ESRRG: variants seen among roughly 807,000 people sequenced by gnomAD.
ESRRG encodes estrogen related receptor gamma, also known as estrogen-related receptor gamma.
ESRRG carries 13 observed loss-of-function variants against 44.0 expected under a neutral mutation model. The ratio of observed to expected loss-of-function variants is 0.30; its 90% CI spans 0.19 to 0.47. ESRRG has a LOEUF of 0.47. Among genes scored for constraint, ESRRG ranks in the 20% least tolerant of loss-of-function variants. The pLI, the probability that ESRRG is intolerant of heterozygous loss-of-function variation, is 1.00. For synonymous variants in ESRRG, 215 were observed against 214.6 expected (o/e 1.00, Z -0.02); for missense variants, 395 against 580.6 (o/e 0.68, Z 3.29).
chr1:216,838,844 T>C (rs2095607971), intron 2 of ESRRG, among the ~76,000 whole-genome samples: 1 of 152,222 alleles, frequency 6.6e-6, no homozygotes. Flanking sequence ...GGAATGCTAA[T>C]GGTCATCTGA....
At chr1:216,795,875 G>C (rs978944802) in intron 2 of ESRRG, among the ~76,000 whole-genome samples, 1 of 152,110 alleles carries the variant, frequency 6.6e-6, no homozygotes, top group South Asian at 2.1e-4. Flanking sequence ...GCAAAGCAGA[G>C]TGCAGGGTAG....
At chr1:216,953,394 T>C (rs984213657) in intron 1 of ESRRG, among the ~76,000 whole-genome samples, 2 of 152,176 alleles carry the variant, frequency 1.3e-5, no homozygotes, top group African/African-American at 2.4e-5. Context: ...AAGCCTTTCT[T>C]AGTAATGCAA....
At chr1:217,091,078 G>A (rs2092336338), upstream of ESRRG, among the ~76,000 whole-genome samples, 1 of 152,114 alleles carries the variant, frequency 6.6e-6, no homozygotes, top group African/African-American at 2.4e-5. Flanking sequence ...CCAACATGTG[G>A]CATATTCCTG....
intron 5 of ESRRG, among the ~76,000 whole-genome samples, chr1:216,536,925 C>T (rs2051147580): frequency 6.6e-6 from 1 of 151,756 alleles, no homozygotes; most frequent in South Asian, 2.1e-4. Context: ...GGAAAATGGG[C>T]CCTGGGATGG....
intron 2 of ESRRG, among the ~76,000 whole-genome samples, chr1:216,870,397 G>A (rs1445550798): frequency 1.3e-5 from 2 of 151,404 alleles, no homozygotes; most frequent in Non-Finnish European, 2.9e-5. Flanking sequence ...GTATTTTATT[G>A]AGAATGCTTG....
At chr1:216,557,190 A>G (rs2057763619) in intron 5 of ESRRG, among the ~76,000 whole-genome samples, 2 of 152,168 alleles carry the variant, frequency 1.3e-5, no homozygotes, top group Admixed American at 1.3e-4. Context: ...TTGTCCAAAC[A>G]TCTTGATTTT....
At chr1:217,042,567 G>A (rs1008292376) in intron 1 of ESRRG, among the ~76,000 whole-genome samples, 2 of 150,950 alleles carry the variant, frequency 1.3e-5, no homozygotes, top group African/African-American at 4.9e-5. Flanking sequence ...GAGGAATTCC[G>A]CTACCTGTCC....
chr1:216,862,693 T>C (rs2096073221), intron 2 of ESRRG: 1 of 152,288 alleles, frequency 6.6e-6, no homozygotes, highest in African/African-American at 2.4e-5. Flanking sequence ...TGCAGACTTA[T>C]CCATAGAGGC....
intron 2 of ESRRG, among the ~76,000 whole-genome samples, chr1:216,773,024 A>C (rs1301019535): frequency 1.3e-5 from 2 of 152,112 alleles, no homozygotes; most frequent in Non-Finnish European, 2.9e-5. Flanking sequence ...TTTAACGCTC[A>C]ACATGGCTTC....
At chr1:216,864,238 A>G (rs1397525322) in intron 2 of ESRRG, 1 of 151,638 alleles carries the variant, frequency 6.6e-6, no homozygotes, top group Admixed American at 6.6e-5. Context: ...AAGTTTCCCA[A>G]TTCCTACTCA....
chr1:216,891,206 T>TA (rs2057746310), intron 2 of ESRRG, among the ~76,000 whole-genome samples: 1 of 152,238 alleles, frequency 6.6e-6, no homozygotes, highest in African/African-American at 2.4e-5. Flanking sequence ...GCAAATTTTA[T>TA]AAAATGCTCC....
chr1:216,757,463 C>T (rs1249650690), intron 2 of ESRRG, among the ~76,000 whole-genome samples: 1 of 151,966 alleles, frequency 6.6e-6, no homozygotes, highest in African/African-American at 2.4e-5. Context: ...CTTAATGCTG[C>T]AACATGGCCT....
chr1:216,765,321 T>C (rs527717624), intron 2 of ESRRG, among the ~76,000 whole-genome samples: 1 of 151,878 alleles, frequency 6.6e-6, no homozygotes, highest in African/African-American at 2.4e-5. Flanking sequence ...ATGGCTCTAT[T>C]TACTGAATTT....
intron 2 of ESRRG, among the ~76,000 whole-genome samples, chr1:216,732,769 G>A (rs1008940239): frequency 7.1e-6 from 1 of 140,062 alleles, no homozygotes; most frequent in East Asian, 2.2e-4. Flanking sequence ...AATGATCAAT[G>A]ATCACACCTG....
At chr1:217,036,393 C>A (rs12142044) in intron 1 of ESRRG, among the ~76,000 whole-genome samples, 29,383 of 152,070 alleles carry the variant, frequency 0.19, 3,027 homozygotes, top group Middle Eastern at 0.3. Flanking sequence ...TTCACCATAG[C>A]AAAGACATGG....
intron 6 of ESRRG, among the ~76,000 whole-genome samples, chr1:216,514,701 C>T (rs1292221175): frequency 8.6e-5 from 13 of 152,034 alleles, no homozygotes; most frequent in Non-Finnish European, 4.4e-5. Flanking sequence ...AAGGTCCCAC[C>T]TTCTGCCTCA....
Position 216,564,261 on chromosome 1 carries a change from G to T in ESRRG, c.820C>A (p.Arg274=), listed in dbSNP as rs1217062997. The change falls in exon 5 of 7, where the codon CGA becomes AGA. Residue 274 remains arginine, a synonymous_variant. Coordinates refer to ENST00000408911, the MANE Select transcript of ESRRG (RefSeq NM_001438.4). ...ALTTLCDLAD[R]ELVVIIGWAK... is the part of the protein sequence containing the mutation. ...CATCCAATGATAACCACCAACTCTCGGTCGGCCAAGTCACACAGTGTAGTG... is the reference window on the plus strand; with the variant it reads ...CATCCAATGATAACCACCAACTCTCTGTCGGCCAAGTCACACAGTGTAGTG... 3 of 1,584,666 alleles carry T rather than the reference G, an allele frequency of 1.9e-6. No individual in the cohort carries two copies. The highest frequency in any genetic ancestry group is 2.3e-5 in the East Asian group (1 of 43,378).
intron 2 of ESRRG, among the ~76,000 whole-genome samples, chr1:216,818,649 A>G (rs1832532): frequency 0.77 from 116,574 of 151,668 alleles, 45,035 homozygotes; most frequent in African/African-American, 0.84. Context: ...TGTGCAGGAT[A>G]TGCAGGTTTG....
chr1:216,926,760 T>A (rs1256959150), intron 2 of ESRRG, among the ~76,000 whole-genome samples: 2 of 152,116 alleles, frequency 1.3e-5, no homozygotes, highest in Non-Finnish European at 2.9e-5. Context: ...CCCTGGGGGA[T>A]CTGAAGGTAG....
Sources: gnomAD v4.1 joint callset for allele counts (sites outside exome capture counted in the v4.1 genomes callset) on GRCh38, gnomAD v4.1.1 for gene constraint, MANE v1.5 for transcripts, NCBI Gene and HGNC (gene_info 2026-07-23, HGNC 2026-07-21) for gene names.